Variants in KMT2D observed in about 807,000 individuals in gnomAD.
KMT2D encodes the protein lysine methyltransferase 2D, also known as histone-lysine N-methyltransferase 2D.
Under a neutral mutation model 512.7 loss-of-function variants are expected in KMT2D, and 55 were observed. The observed-to-expected ratio is 0.11, with a 90% confidence interval of 0.09 to 0.13. The LOEUF (loss-of-function observed/expected upper bound fraction) is 0.13, where lower values mean the gene tolerates loss of function less well. Ranked by LOEUF, KMT2D falls within the 10% of genes least tolerant of loss-of-function variation. The pLI is 1.00. For synonymous variants in KMT2D, 2,995 were observed against 2,904.0 expected, an observed-to-expected ratio of 1.03 and a Z score of -1.01; for missense variants, 6,061 against 7,127.9, an observed-to-expected ratio of 0.85 and a Z score of 5.39.
chr12:49,046,133 T>C lies in KMT2D; in HGVS notation c.4625A>G (p.Asp1542Gly), dbSNP rs2120601155. ...AGCESLFTED[D>G]VEQAADEGFD... ...GCCTTCATCGGCTGCCTGCTCCACA[T>C]CGTCCTCTGTGAAGAGGCTCTCACA... Residue 1542 changes from aspartate (D) to glycine (G), a missense_variant, in exon 18 of 55, where the codon GAT (aspartate) becomes GGT (glycine). By Grantham distance (94) the Asp-to-Gly change is moderately conservative (BLOSUM62 -1). This residue lies in a region of KMT2D where 640 missense variants were observed against 814.3 expected (regional missense o/e 0.79). Transcript: ENST00000301067. This position sits in a 1 kb window ranked among gnomAD's most constrained non-coding sequence, Gnocchi z 4.2. The C allele has an allele frequency of 6.2e-7, 1 of 1,610,968 alleles. No homozygotes were observed. Among genetic ancestry groups the C allele is most frequent in the East Asian group, 2.2e-5 (1 of 44,804 alleles).
At position 49,040,890 on chromosome 12, in the gene KMT2D, C is replaced by A. The variant is rs2120537230; in HGVS notation, c.6880G>T (p.Ala2294Ser). The A allele has an allele frequency of 6.2e-7, 1 of 1,613,868 alleles. No individual in the cohort carries two copies. The highest frequency in any genetic ancestry group is 8.5e-7 in the Non-Finnish European group (1 of 1,179,808). Residue 2294 changes from alanine to serine, a missense_variant, in exon 32 of 55, where the codon GCA becomes TCA. By Grantham distance (99) the Ala-to-Ser change is moderately conservative (BLOSUM62 1). Around this residue, in one of 16 missense-constraint regions of KMT2D, gnomAD observed 710 missense variants for 647.3 expected, o/e 1.10. Coordinates refer to ENST00000301067, the MANE Select transcript of KMT2D (RefSeq NM_003482.4). ...GGGGGCCCATAGCTAGGAGAGGATG[C>A]CCCAAGCTCTTCCTTCTTCACCTCT... ...ALEVKKEELG[A>S]SSPSYGPPNL...
chr12:49,025,389 A>G (rs1473606505), intron 49 of KMT2D, among the ~76,000 whole-genome samples: 2 of 152,226 alleles, frequency 1.3e-5, no homozygotes, highest in Non-Finnish European at 2.9e-5. Context: ...TTTTTACTGT[A>G]TCTTTTCTAT....
chr12:49,031,176 T>C lies in KMT2D; in HGVS notation c.13529A>G (p.Glu4510Gly). Residue 4510 changes from glutamate (E) to glycine (G), a missense_variant and splice_region_variant, in exon 40 of 55, where the codon GAG (glutamate) becomes GGG (glycine). Around this residue, in one of 16 missense-constraint regions of KMT2D, gnomAD observed 1,600 missense variants for 1,754.9 expected, o/e 0.91. Transcript: ENST00000301067. The stretch of plus-strand genomic sequence containing the variant: ...CTCCACTCTACTCAGAGTACTCACC[T>C]CCTTGTTGCTGGGGGTACCCTGTAG... ...QKLQGTPSNK[E>G]DAAARKPLTP... 2 of 1,607,448 alleles carry C rather than the reference T, an allele frequency of 1.2e-6. No individual in the cohort carries two copies. The highest frequency in any genetic ancestry group is 3.3e-5 in the Admixed American group (2 of 59,874).
Position 49,029,140 on chromosome 12 carries a change from A to C in KMT2D, c.14172T>G (p.His4724Gln), listed in dbSNP as rs772446811. ...ILGEEAPRFPHLGSGRWEQED... is the reference protein window; with the variant it reads ...ILGEEAPRFPQLGSGRWEQED... ...CTTGCTCCCACCGGCCTGAGCCCAGATGAGGGAAACGAGGGGCCTCCTCCC... is the reference window on the plus strand; with the variant it reads ...CTTGCTCCCACCGGCCTGAGCCCAGCTGAGGGAAACGAGGGGCCTCCTCCC... The change falls in exon 45 of 55, where the codon CAT (histidine) becomes CAG (glutamine). Residue 4724 changes from histidine (H) to glutamine (Q), a missense_variant. His to Gln is a conservative substitution (Grantham distance 24, BLOSUM62 0). Transcript: ENST00000301067. The C allele has an allele frequency of 1.9e-6, 3 of 1,613,746 alleles. No individual in the cohort carries two copies. Among genetic ancestry groups the C allele is most frequent in the South Asian group, 2.2e-5 (2 of 91,082 alleles).
chr12:49,036,115 T>C (rs1014710362), intron 35 of KMT2D: 1 of 152,190 alleles, frequency 6.6e-6, no homozygotes, highest in Non-Finnish European at 1.5e-5. Context: ...CCTTGGCAAA[T>C]AGTAATTACT....
chr12:49,024,570 A>C lies in KMT2D; in HGVS notation c.16052+8T>G. On this transcript the variant is annotated splice_region_variant and intron_variant, in intron 51 of 54. Coordinates refer to ENST00000301067, the MANE Select transcript of KMT2D (RefSeq NM_003482.4). This position sits in a 1 kb window ranked among gnomAD's most constrained non-coding sequence, Gnocchi z 4.5. Reference sequence around the variant, plus strand: ...CCACATCCCTTGGCTCCAGCATCACAAGCTCACCGTTTGTAGTGTGTGAGG... The same window carrying C: ...CCACATCCCTTGGCTCCAGCATCACCAGCTCACCGTTTGTAGTGTGTGAGG... 1.2e-6 allele frequency: 2 copies of C among 1,600,956 alleles called. No individual in the cohort carries two copies. Among genetic ancestry groups the C allele is most frequent in the Non-Finnish European group, 1.7e-6 (2 of 1,171,450 alleles).
intron 19 of KMT2D, among the ~76,000 whole-genome samples, 155 bp downstream of exon 19, chr12:49,045,765 C>G (rs1943756474): frequency 6.6e-6 from 1 of 152,124 alleles, no homozygotes; most frequent in South Asian, 2.1e-4. Context: ...AACTTTGCCA[C>G]TAACTTACTA....
rs1937841611 is a variant in KMT2D at position 49,049,993 on chromosome 12, G to C, written c.3595C>G (p.Leu1199Val). 1.2e-6 allele frequency: 2 copies of C among 1,613,854 alleles called. No homozygotes were observed. Among genetic ancestry groups the C allele is most frequent in the Non-Finnish European group, 1.7e-6 (2 of 1,179,906 alleles). ...TCGTTAACGATGTCGGATTTGATGA[G>C]AGTGGGTGGTGTGGGGGCCACCGGT... ...RAPVAPTPPT[L>V]IKSDIVNEIS... The change falls in exon 12 of 55, where the codon CTC becomes GTC. Residue 1199 changes from leucine (L) to valine (V), a missense_variant. Transcript: ENST00000301067.
At chr12:49,025,197 C>A (rs925665890) in intron 49 of KMT2D, among the ~76,000 whole-genome samples, 22 of 152,106 alleles carry the variant, frequency 1.4e-4, no homozygotes, top group Non-Finnish European at 7.4e-5. Flanking sequence ...CCAGCATAGG[C>A]CATGGAAGGT....
In KMT2D at chr12:49,024,672, G is replaced by A. The variant is rs1469731570; in HGVS notation, c.15958C>T (p.Arg5320Cys). 2 of 1,613,838 alleles carry A rather than the reference G, an allele frequency of 1.2e-6. No individual in the cohort carries two copies. Among genetic ancestry groups the A allele is most frequent in the Non-Finnish European group, 8.5e-7 (1 of 1,179,838 alleles). Residue 5320 changes from arginine to cysteine, a missense_variant, in exon 51 of 55, where the codon CGC becomes TGC. By Grantham distance (180) the Arg-to-Cys change is radical. Around this residue, in one of 16 missense-constraint regions of KMT2D, gnomAD observed 261 missense variants for 440.7 expected, o/e 0.59. Transcript: ENST00000301067. This position sits in a 1 kb window ranked among gnomAD's most constrained non-coding sequence, Gnocchi z 4.5. The part of the protein sequence containing the change: ...GVESCQNYLF[R>C]YGRHPLMELP... ...TCCATAAGGGGGTGGCGCCCATAGC[G>A]GAATAAATAGTTTTGACAGCTCTCC...
rs199997948 is a variant in KMT2D at position 49,039,454 on chromosome 12, G to T, written c.8210C>A (p.Thr2737Asn). Residue 2737 changes from threonine (T) to asparagine (N), a missense_variant, in exon 33 of 55, where the codon ACC (threonine) becomes AAC (asparagine). Physicochemically the swap from Thr to Asn is moderately conservative, Grantham distance 65. Transcript: ENST00000301067. This position sits in a 1 kb window ranked among gnomAD's most constrained non-coding sequence, Gnocchi z 5.0. ...ACCTACCTGTGTCCCAGCAAAGGGG[G>T]TCTGGCCTCGACTCAGCTGCTCAAA... is the stretch of plus-strand genomic sequence containing the variant. ...PAFEQLSRGQ[T>N]PFAGTQDKSS... 6.2e-7 allele frequency: 1 copy of T among 1,601,826 alleles called. No individual in the cohort carries two copies.
rs556913234 is a variant in KMT2D at position 49,034,397 on chromosome 12, G to A, written c.10507+13C>T. The A allele has an allele frequency of 8.1e-6, 13 of 1,613,342 alleles. No individual in the cohort carries two copies. The highest frequency in any genetic ancestry group is 2.7e-5 in the African/African-American group (2 of 74,838). On this transcript the variant is annotated intron_variant, in intron 38 of 54. Coordinates refer to ENST00000301067, the MANE Select transcript of KMT2D (RefSeq NM_003482.4). ...CCACTCCCCTGCACCTTCCTCCCAC[G>A]CCCCATACTCACTGATCACTCCCTG...
rs1043654062 is a variant in KMT2D at position 49,053,220 on chromosome 12, G to C, written c.941C>G (p.Ser314Cys). 5 of 1,613,388 alleles carry C rather than the reference G, an allele frequency of 3.1e-6. No individual in the cohort carries two copies. The highest frequency in any genetic ancestry group is 2.2e-5 in the East Asian group (1 of 44,900). ...GGGTACACTCACCTTGCACTTCCAA[G>C]AGTGAGCAGGCAGTTCCTCCATGGG... ...KPPMEELPAHSWKCKACRVCR... is the reference protein window; with the variant it reads ...KPPMEELPAHCWKCKACRVCR... The change falls in exon 8 of 55, where the codon TCT becomes TGT. Residue 314 changes from serine (S) to cysteine (C), a missense_variant. Physicochemically the swap from Ser to Cys is moderately radical, Grantham distance 112. Coordinates refer to ENST00000301067, the MANE Select transcript of KMT2D (RefSeq NM_003482.4).
At position 49,032,648 on chromosome 12, in the gene KMT2D, G is replaced by C; in HGVS notation, c.12057C>G (p.Leu4019=). Residue 4019 remains leucine, a synonymous_variant, in exon 40 of 55, where the codon CTC becomes CTG. Transcript: ENST00000301067. ...FSSPGALGPT[L]LLTGKEQNTV... ...TGTTTTGTTCCTTGCCCGTCAGGAG[G>C]AGGGTTGGACCCAGGGCTCCAGGGC... 6.2e-7 allele frequency: 1 copy of C among 1,614,004 alleles called. No individual in the cohort carries two copies. The highest frequency in any genetic ancestry group is 8.5e-7 in the Non-Finnish European group (1 of 1,179,882).
Position 49,052,696 on chromosome 12 carries a change from C to T in KMT2D, c.1126G>A (p.Glu376Lys). The change falls in exon 10 of 55, where the codon GAG becomes AAG. Residue 376 changes from glutamate (E) to lysine (K), a missense_variant. Transcript: ENST00000301067. Reference protein sequence around the residue: ...TPVCSRFSPPEPGDTPTDEPD... With the variant: ...TPVCSRFSPPKPGDTPTDEPD... The stretch of plus-strand genomic sequence containing the variant: ...TCGTCAGTGGGGGTATCGCCAGGCT[C>T]TGGGGGTGAAAATCTGCAGAGGGTA... 1 of 1,613,626 alleles carries T rather than the reference C, an allele frequency of 6.2e-7. No individual in the cohort carries two copies. The highest frequency in any genetic ancestry group is 1.1e-5 in the South Asian group (1 of 91,072).
At position 49,048,008 on chromosome 12, in the gene KMT2D, G is replaced by A. The variant is rs1389196402; in HGVS notation, c.4193C>T (p.Ser1398Leu). ...RGAEGHLLAC[S>L]QCSQCYHPYC... ...AGGGTGATAGCACTGAGAGCACTGCGAACAGGCAAGGAGGTGGCCCTCTGC... is the reference window on the plus strand; with the variant it reads ...AGGGTGATAGCACTGAGAGCACTGCAAACAGGCAAGGAGGTGGCCCTCTGC... Residue 1398 changes from serine to leucine, a missense_variant, in exon 15 of 55, where the codon TCG becomes TTG. Physicochemically the swap from Ser to Leu is moderately radical, Grantham distance 145 (BLOSUM62 -2). This residue lies in a region of KMT2D where 53 missense variants were observed against 148.3 expected (regional missense o/e 0.36). Coordinates refer to ENST00000301067, the MANE Select transcript of KMT2D (RefSeq NM_003482.4). 6 of 1,613,358 alleles carry A rather than the reference G, an allele frequency of 3.7e-6. No homozygotes were observed. Among genetic ancestry groups the A allele is most frequent in the Admixed American group, 1.7e-5 (1 of 60,010 alleles).
rs760144885 is a variant in KMT2D at position 49,049,695 on chromosome 12, G to A, written c.3893C>T (p.Ser1298Phe). Residue 1298 changes from serine to phenylalanine, a missense_variant, in exon 12 of 55, where the codon TCC becomes TTC. This residue lies in a region of KMT2D where 447 missense variants were observed against 500.1 expected (regional missense o/e 0.89). Coordinates refer to ENST00000301067, the MANE Select transcript of KMT2D (RefSeq NM_003482.4). ...ATAGCCCCTCACCTGTTTGATGCGG[G>A]AACGGGCTGGGGAGCTGCGCCGCCG... ...KGRRRSSPAR[S>F]RIKQGRSSSF... The A allele has an allele frequency of 1.3e-6, 2 of 1,585,876 alleles. No individual in the cohort carries two copies. Among genetic ancestry groups the A allele is most frequent in the Non-Finnish European group, 1.7e-6 (2 of 1,160,670 alleles).
rs587783721 is a variant in KMT2D, at chr12:49,042,246, G to C, written c.5952C>G (p.Pro1984=). The C allele has an allele frequency of 1.9e-6, 3 of 1,587,176 alleles. No homozygotes were observed. The highest frequency in any genetic ancestry group is 1.8e-5 in the Admixed American group (1 of 55,246). Residue 1984 remains proline (P), a synonymous_variant, in exon 29 of 55, where the codon CCC becomes CCG. Transcript: ENST00000301067. The surrounding 1 kb of genome is among the most constrained non-coding windows in gnomAD (Gnocchi z 4.4). ...CCTCACCCTCCGTGGTGGGGGTTGT[G>C]GGGGTGGAGGGCGTGGTGCCACCTG... The part of the protein sequence containing the change: ...TGSGGTTPST[P]TTPTTEGEGD...
Position 49,051,178 on chromosome 12 carries a change from G to A in KMT2D, c.2505C>T (p.Pro835=), listed in dbSNP as rs2120664771. ...SPQPEESHLS[P]QSEEPCLSPR... is the part of the protein sequence containing the mutation. ...GGGACAGGCATGGCTCCTCAGACTGGGGGGACAGGTGTGATTCCTCAGGTT... is the reference window on the plus strand; with the variant it reads ...GGGACAGGCATGGCTCCTCAGACTGAGGGGACAGGTGTGATTCCTCAGGTT... The change falls in exon 11 of 55, where the codon CCC becomes CCT. Residue 835 remains proline, a synonymous_variant. Transcript: ENST00000301067. 8 of 1,508,636 alleles carry A rather than the reference G, an allele frequency of 5.3e-6. No individual in the cohort carries two copies. Among genetic ancestry groups the A allele is most frequent in the Non-Finnish European group, 7.1e-6 (8 of 1,123,666 alleles). 93.5% of individuals were successfully genotyped at this position (1,508,636 alleles called of 1,614,324 possible).
Sources: gnomAD v4.1 joint callset for allele counts (sites outside exome capture counted in the v4.1 genomes callset) on GRCh38, gnomAD v4.1.1 for gene constraint, gnomAD v4.1.1 regional missense constraint, Gnocchi (gnomAD v3.1) non-coding constraint, MANE v1.5 for transcripts, NCBI Gene and HGNC (gene_info 2026-07-23, HGNC 2026-07-21) for gene names.